CACNA2D3: variants seen among roughly 807,000 people sequenced by gnomAD.
CACNA2D3 encodes the protein voltage-dependent calcium channel subunit alpha-2/delta-3.
CACNA2D3 carries 60 observed loss-of-function variants against 160.6 expected under a neutral mutation model. That is an observed-to-expected ratio of 0.37 (90% CI 0.30 to 0.46). The LOEUF (loss-of-function observed/expected upper bound fraction) is 0.46, where lower values mean the gene tolerates loss of function less well. Ranked by LOEUF, CACNA2D3 falls within the 20% of genes least tolerant of loss-of-function variation. The probability of loss-of-function intolerance (pLI) is 1.00; values close to 1 mark genes in which losing one functional copy is unlikely to be tolerated. For synonymous variants in CACNA2D3, 558 were observed against 492.9 expected, an observed-to-expected ratio of 1.13 and a Z score of -1.75; for missense variants, 1,205 against 1,365.0, an observed-to-expected ratio of 0.88 and a Z score of 1.85.
chr3:54,203,786 C>T (rs565436395), intron 2 of CACNA2D3, among the ~76,000 whole-genome samples: 3 of 152,192 alleles, frequency 2.0e-5, no homozygotes, highest in African/African-American at 4.8e-5. Flanking sequence ...GCTGTCCGGC[C>T]GCTTGTGTCT....
chr3:54,539,971 G>A (rs552305865), intron 5 of CACNA2D3, among the ~76,000 whole-genome samples: 1 of 152,256 alleles, frequency 6.6e-6, no homozygotes, highest in African/African-American at 2.4e-5. Context: ...GGTGAGCCTG[G>A]AAAGTCTGTG....
rs142010443 is a variant in CACNA2D3, at chr3:54,618,528, A to G, written c.964-9259A>G. Among the ~76,000 whole-genome samples the G allele has an allele frequency of 2.2e-3, 336 of 152,214 alleles. 3 individuals are homozygous for G. Among genetic ancestry groups the G allele is most frequent in the Middle Eastern group, 6.8e-3 (2 of 294 alleles). On this transcript the variant is annotated intron_variant, in intron 9 of 37. Coordinates refer to ENST00000474759, the MANE Select transcript of CACNA2D3 (RefSeq NM_018398.3). ...CTTGGCAAAATACAGAGATCATTGA[A>G]ACACATTTTAATTGAATACAAGTTT...
At chr3:54,551,928 T>A (rs1371678984) in intron 5 of CACNA2D3, among the ~76,000 whole-genome samples, 2 of 152,158 alleles carry the variant, frequency 1.3e-5, no homozygotes, top group African/African-American at 2.4e-5. Flanking sequence ...AATGGAAAGG[T>A]GACTTAGTGA....
chr3:54,545,027 A>G (rs1702039526), intron 5 of CACNA2D3, among the ~76,000 whole-genome samples: 1 of 152,190 alleles, frequency 6.6e-6, no homozygotes, highest in African/African-American at 2.4e-5. Flanking sequence ...ATTAGTCATC[A>G]AATGCGTTAG....
intron 2 of CACNA2D3, among the ~76,000 whole-genome samples, chr3:54,296,899 T>G (rs1462451755): frequency 6.6e-6 from 1 of 152,092 alleles, no homozygotes; most frequent in Non-Finnish European, 1.5e-5. Context: ...TCAAGCTGAG[T>G]TTGGCAGAGC....
In CACNA2D3 at chr3:54,468,362, C is replaced by T. The variant is rs567305236; in HGVS notation, c.382-35130C>T. ...GCTCCCTCCCCTAGCCAAGGGAAGC[C>T]ATGAGGGACTGTGCCGTGAGGAATG... On this transcript the variant is annotated intron_variant, in intron 4 of 37. Coordinates refer to ENST00000474759, the MANE Select transcript of CACNA2D3 (RefSeq NM_018398.3). Among the ~76,000 whole-genome samples the T allele has an allele frequency of 2.6e-5, 4 of 152,282 alleles. No individual in the cohort carries two copies. In the South Asian group the frequency reaches 8.3e-4, roughly 32 times the overall value.
intron 27 of CACNA2D3, among the ~76,000 whole-genome samples, chr3:54,941,767 G>A (rs775560368): frequency 2.0e-5 from 3 of 152,156 alleles, no homozygotes; most frequent in Non-Finnish European, 4.4e-5. Context: ...ACCTCTAGAG[G>A]AAGGGACATT....
At chr3:54,712,226 T>G (rs1347447469) in intron 11 of CACNA2D3, among the ~76,000 whole-genome samples, 1 of 152,216 alleles carries the variant, frequency 6.6e-6, no homozygotes, top group East Asian at 1.9e-4. Flanking sequence ...ATGTAGTGGC[T>G]TAAACAACTC....
At chr3:54,450,265 C>T (rs1269052684) in intron 4 of CACNA2D3, among the ~76,000 whole-genome samples, 1 of 152,156 alleles carries the variant, frequency 6.6e-6, no homozygotes, top group Non-Finnish European at 1.5e-5. Context: ...TTAGGACTTC[C>T]ACATATCTTT....
intron 12 of CACNA2D3, 31 bp from the exon 13 acceptor site, chr3:54,764,187 C>G (rs777802155): frequency 5.0e-6 from 8 of 1,612,678 alleles, no homozygotes; most frequent in Non-Finnish European, 5.9e-6. Flanking sequence ...CTGTCTGTTA[C>G]TAAACTTGGC....
At chr3:54,400,162 G>T (rs866399873) in intron 4 of CACNA2D3, among the ~76,000 whole-genome samples, 1 of 145,166 alleles carries the variant, frequency 6.9e-6, no homozygotes, top group Admixed American at 6.9e-5. Context: ...TTCGGCTCGC[G>T]CACGGTGCGC....
At chr3:54,641,687 G>C (rs1699523469) in intron 10 of CACNA2D3, among the ~76,000 whole-genome samples, 1 of 152,136 alleles carries the variant, frequency 6.6e-6, no homozygotes, top group Admixed American at 6.5e-5. Context: ...CTATGCCAGA[G>C]TCAGGTTGGA....
intron 14 of CACNA2D3, among the ~76,000 whole-genome samples, chr3:54,822,633 G>A (rs1482003099): frequency 6.6e-6 from 1 of 152,176 alleles, no homozygotes; most frequent in Non-Finnish European, 1.5e-5. Context: ...ATAGCCAGCA[G>A]GACAGCATAT....
At chr3:54,717,792 T>C (rs369265404) in intron 11 of CACNA2D3, among the ~76,000 whole-genome samples, 1 of 86,824 alleles carries the variant, frequency 1.2e-5, no homozygotes, top group Admixed American at 1.4e-4. Flanking sequence ...TGTGCGTGTG[T>C]GGTGTGCGTG....
chr3:54,576,663 T>C (rs910121681), intron 8 of CACNA2D3, among the ~76,000 whole-genome samples: 2 of 152,090 alleles, frequency 1.3e-5, no homozygotes, highest in African/African-American at 2.4e-5. Flanking sequence ...CTGAGGAAGA[T>C]TGTGGGTTTG....
intron 3 of CACNA2D3, among the ~76,000 whole-genome samples, chr3:54,379,569 C>T (rs187159922): frequency 6.9e-4 from 105 of 152,314 alleles, no homozygotes; most frequent in African/African-American, 2.3e-3. Flanking sequence ...TTATTCATTT[C>T]GCCTTGGTTT....
intron 4 of CACNA2D3, among the ~76,000 whole-genome samples, chr3:54,469,563 C>T (rs1322140511): frequency 2.6e-5 from 4 of 152,052 alleles, no homozygotes; most frequent in Non-Finnish European, 5.9e-5. Context: ...GGGAACAAAA[C>T]TGGATGGAGA....
chr3:54,754,418 G>A (rs1575458867), intron 12 of CACNA2D3, among the ~76,000 whole-genome samples: 1 of 152,172 alleles, frequency 6.6e-6, no homozygotes, highest in African/African-American at 2.4e-5. Context: ...CATGTTGTGG[G>A]CATGACATGA....
chr3:54,440,939 G>A (rs563976644), intron 4 of CACNA2D3, among the ~76,000 whole-genome samples: 4 of 152,226 alleles, frequency 2.6e-5, no homozygotes, highest in Admixed American at 2.0e-4. Context: ...TAGTGCCACC[G>A]TAAACATACG....
Sources: gnomAD v4.1 joint callset for allele counts (sites outside exome capture counted in the v4.1 genomes callset) on GRCh38, gnomAD v4.1.1 for gene constraint, MANE v1.5 for transcripts, NCBI Gene and HGNC (gene_info 2026-07-23, HGNC 2026-07-21) for gene names.